Variants in RYR1 observed in about 807,000 individuals in gnomAD.
RYR1 encodes central core disease of muscle.
RYR1 carries 342 observed loss-of-function variants against 583.5 expected under a neutral mutation model. That is an observed-to-expected ratio of 0.59 (90% CI 0.54 to 0.64). RYR1 has a LOEUF of 0.64. Ranked by LOEUF, RYR1 falls within the 30% of genes least tolerant of loss-of-function variation. The pLI, the probability that RYR1 is intolerant of heterozygous loss-of-function variation, is 0.00. For synonymous variants in RYR1, 2,791 were observed against 2,822.5 expected (o/e 0.99, Z 0.35); for missense variants, 6,032 against 6,917.2 (o/e 0.87, Z 4.54).
At chr19:38,521,944 G>A (rs901146900) in intron 67 of RYR1, among the ~76,000 whole-genome samples, 5 of 151,860 alleles carry the variant, frequency 3.3e-5, no homozygotes, top group Non-Finnish European at 4.4e-5. Flanking sequence ...TCCTGACCTC[G>A]TGATCTGCCC....
chr19:38,490,737 G>A lies in RYR1; in HGVS notation c.6127+5G>A. ...AAGACCTGCTGGCACACTGTGGTAA[G>A]GAGTGGGGATCAGAGAGTCCTCCCC... On this transcript the variant is annotated splice_donor_5th_base_variant and intron_variant, in intron 37 of 105. Transcript: ENST00000359596. The A allele has an allele frequency of 1.3e-6, 2 of 1,590,774 alleles. No homozygotes were observed. The highest frequency in any genetic ancestry group is 1.7e-6 in the Non-Finnish European group (2 of 1,158,496).
rs375255559 is a variant in RYR1 at position 38,528,429 on chromosome 19, C to T, written c.10937+11C>T. The T allele has an allele frequency of 1.9e-6, 3 of 1,613,324 alleles. No individual in the cohort carries two copies. Among genetic ancestry groups the T allele is most frequent in the African/African-American group, 1.3e-5 (1 of 74,912 alleles). On this transcript the variant is annotated intron_variant, in intron 74 of 105. Coordinates refer to ENST00000359596, the MANE Select transcript of RYR1 (RefSeq NM_000540.3). ...GTACAACCTGCCCACGTAAGGCCCC[C>T]AGGGACAAGGGAAGCGTGAAGGGCT...
rs1036202902 is a variant in RYR1, at chr19:38,467,463, TCTC to T, written c.3179-143_3179-141del. The T allele has an allele frequency of 3.0e-5, 26 of 872,674 alleles. No homozygotes were observed. In the African/African-American group the frequency reaches 3.1e-4, roughly 11 times the overall value. 54.1% of individuals were successfully genotyped at this position (872,674 alleles called of 1,614,324 possible). ...TCTGACTTTTCTGAGGTTCCCCAAT[TCTC>T]CTCTAACTCCAAGAAATTGACCCTC... On this transcript the variant is annotated intron_variant, in intron 24 of 105. Transcript: ENST00000359596.
At chr19:38,536,158 C>G in intron 82 of RYR1, 88 bp downstream of exon 82, 1 of 1,198,168 alleles carries the variant, frequency 8.3e-7, no homozygotes, top group East Asian at 2.6e-5. Context: ...TTGCCCAGAG[C>G]TCCCTTCCTC....
At chr19:38,503,013 C>T (rs1337849792) in intron 49 of RYR1, 43 bp downstream of exon 49, 1 of 1,588,666 alleles carries the variant, frequency 6.3e-7, no homozygotes, top group African/African-American at 1.3e-5. Flanking sequence ...CAGGCCGCAC[C>T]CACTGGTTTG....
chr19:38,538,007 TG>T, intron 84 of RYR1, 47 bp downstream of exon 84: 1 of 1,582,414 alleles, frequency 6.3e-7, no homozygotes, highest in Non-Finnish European at 8.7e-7. Context: ...GGTTTGGGGC[TG>T]GTACGGAAGG....
rs886054389 is a variant in RYR1 at position 38,486,093 on chromosome 19, G to A, written c.5438G>A (p.Arg1813Lys). The change falls in exon 34 of 106, where the codon AGG (arginine) becomes AAG (lysine). Residue 1813 changes from arginine (R) to lysine (K), a missense_variant. Arg to Lys is a conservative substitution (Grantham distance 26). Coordinates refer to ENST00000359596, the MANE Select transcript of RYR1 (RefSeq NM_000540.3). ...GAGGCCCTGCGGGACAAGGCACTGA[G>A]GATGCTGGGGGAGGCGGTGCGCGAC... ...PLEALRDKAL[R>K]MLGEAVRDGG... 6.2e-7 allele frequency: 1 copy of A among 1,612,838 alleles called. No individual in the cohort carries two copies.
chr19:38,510,135 A>G (rs1028698316), intron 58 of RYR1, among the ~76,000 whole-genome samples: 1 of 152,182 alleles, frequency 6.6e-6, no homozygotes, highest in Non-Finnish European at 1.5e-5. Context: ...AGCCTGGACA[A>G]CATGGTGAAA....
Position 38,528,924 on chromosome 19 carries a change from C to T in RYR1, c.11035-27C>T, listed in dbSNP as rs190849174. On this transcript the variant is annotated intron_variant, in intron 75 of 105. Transcript: ENST00000359596. ...GACAGGAGGGGACTCTAGAAACCCT[C>T]TCCCCAAGTCTCCCCTCTCCCACCA... The T allele has an allele frequency of 9.4e-5, 151 of 1,599,278 alleles. No homozygotes were observed. The African/African-American group carries it at 1.6e-3, about 17-fold the overall frequency.
intron 63 of RYR1, among the ~76,000 whole-genome samples, chr19:38,513,847 C>T (rs1165432945): frequency 6.6e-6 from 1 of 152,132 alleles, no homozygotes; most frequent in Non-Finnish European, 1.5e-5. Flanking sequence ...GTTGCACACA[C>T]CAGGGTAACC....
chr19:38,479,435 C>T (rs780706237), intron 31 of RYR1, among the ~76,000 whole-genome samples: 18 of 151,944 alleles, frequency 1.2e-4, no homozygotes, highest in Admixed American at 2.0e-4. Context: ...TGAGACAGGG[C>T]CTCACTCTGT....
intron 47 of RYR1, among the ~76,000 whole-genome samples, chr19:38,501,829 T>A (rs973652586): frequency 2.0e-4 from 31 of 151,830 alleles, no homozygotes; most frequent in African/African-American, 7.5e-4. Flanking sequence ...ACAAAAAAAA[T>A]TTAAATATTA....
At chr19:38,510,458 G>A (rs1388112963) in intron 58 of RYR1, 40 bp from the exon 59 acceptor site, 1 of 1,609,802 alleles carries the variant, frequency 6.2e-7, no homozygotes, top group African/African-American at 1.3e-5. Context: ...GGGTTCCCCA[G>A]CCTTGAACCC....
chr19:38,506,153 T>G, intron 54 of RYR1, 150 bp from the exon 55 acceptor site: 1 of 1,043,766 alleles, frequency 9.6e-7, no homozygotes, highest in Non-Finnish European at 1.4e-6. Context: ...ATGGGGTGGT[T>G]TAGAGACAGG....
In RYR1 at chr19:38,561,455, G is replaced by C. The variant is rs770054352; in HGVS notation, c.12624+1G>C. On this transcript the variant is annotated splice_donor_variant, in intron 90 of 105. Transcript: ENST00000359596. LOFTEE classifies it high-confidence loss of function. The surrounding 1 kb of genome is among the most constrained non-coding windows in gnomAD (Gnocchi z 4.8). ...CCGCGCCCAGTGGGAGATGCCCCAGGTCAGGGAACCCGCGCGCGTGCAAGC... is the reference window on the plus strand; with the variant it reads ...CCGCGCCCAGTGGGAGATGCCCCAGCTCAGGGAACCCGCGCGCGTGCAAGC... The C allele has an allele frequency of 6.2e-7, 1 of 1,605,890 alleles. No individual in the cohort carries two copies. The highest frequency in any genetic ancestry group is 1.7e-5 in the Admixed American group (1 of 59,964).
Position 38,477,704 on chromosome 19 carries a change from C to T in RYR1, c.4294-6C>T. On this transcript the variant is annotated splice_polypyrimidine_tract_variant and splice_region_variant and intron_variant, in intron 29 of 105. Transcript: ENST00000359596. ...TGACCACTAGTTCCCCTCCTTGTGT[C>T]ACCAGTACTATTACTCCGTGAGGGT... The T allele has an allele frequency of 6.2e-7, 1 of 1,614,114 alleles. No individual in the cohort carries two copies. The highest frequency in any genetic ancestry group is 8.5e-7 in the Non-Finnish European group (1 of 1,180,024).
chr19:38,518,195 A>G (rs1057204676), intron 66 of RYR1, among the ~76,000 whole-genome samples: 2 of 151,668 alleles, frequency 1.3e-5, no homozygotes, highest in African/African-American at 4.8e-5. Flanking sequence ...AGGGAAGGAA[A>G]GAAGGAAGGA....
Position 38,565,983 on chromosome 19 carries a change from A to C in RYR1, c.13437+212A>C, listed in dbSNP as rs1318911839. 6.6e-6 allele frequency among the ~76,000 whole-genome samples: 1 copy of C among 152,014 alleles called. No individual in the cohort carries two copies. The highest frequency in any genetic ancestry group is 1.5e-5 in the Non-Finnish European group (1 of 67,990). On this transcript the variant is annotated intron_variant, in intron 91 of 105. Coordinates refer to ENST00000359596, the MANE Select transcript of RYR1 (RefSeq NM_000540.3). The surrounding 1 kb of genome is among the most constrained non-coding windows in gnomAD (Gnocchi z 4.7). ...CAGAGACAGAGGGATACTCAGACCC[A>C]CAGAGAAAGAGACTCAGAGATGGAG...
intron 96 of RYR1, among the ~76,000 whole-genome samples, 178 bp from the exon 97 acceptor site, chr19:38,575,741 T>A (rs1340264365): frequency 6.6e-6 from 1 of 152,030 alleles, no homozygotes; most frequent in Non-Finnish European, 1.5e-5. Flanking sequence ...AGGCAAAGTT[T>A]GCAGTGAGCA....
Sources: gnomAD v4.1 joint callset for allele counts (sites outside exome capture counted in the v4.1 genomes callset) on GRCh38, gnomAD v4.1.1 for gene constraint, Gnocchi (gnomAD v3.1) non-coding constraint, MANE v1.5 for transcripts, NCBI Gene and HGNC (gene_info 2026-07-23, HGNC 2026-07-21) for gene names.